Variants in CRK observed in about 807,000 individuals in gnomAD.
The protein encoded by CRK is CRK proto-oncogene, adaptor protein, also known as adapter molecule crk.
In CRK, 4 loss-of-function variants were observed where a neutral mutation model predicts 29.8. The observed-to-expected ratio is 0.13, with a 90% CI of 0.07 to 0.31. The LOEUF (loss-of-function observed/expected upper bound fraction) is 0.31. Ranked by LOEUF, CRK falls within the 10% of genes least tolerant of loss-of-function variation. CRK has a pLI of 1.00. For missense variants in CRK, 274 were observed against 396.5 expected (o/e 0.69, Z 2.62); for synonymous variants, 153 against 164.9 (o/e 0.93, Z 0.55).
intron 2 of CRK, among the ~76,000 whole-genome samples, chr17:1,433,508 G>GATTTTTTTTTTTTTTT (rs1568012299): frequency 1.7e-5 from 2 of 114,368 alleles, no homozygotes; most frequent in African/African-American, 7.1e-5. Flanking sequence ...ACCACGCCTG[G>GATTTTTTTTTTTTTTT]CTTTTTTTTT....
At chr17:1,448,199 G>T (rs918564746) in intron 1 of CRK, among the ~76,000 whole-genome samples, 3 of 152,098 alleles carry the variant, frequency 2.0e-5, no homozygotes, top group Admixed American at 6.6e-5. Context: ...TGGTGGGTAT[G>T]AGGACGGTCC....
At chr17:1,444,626 C>T (rs185257234) in intron 1 of CRK, among the ~76,000 whole-genome samples, 15 of 141,100 alleles carry the variant, frequency 1.1e-4, no homozygotes, top group African/African-American at 2.9e-4. Context: ...ATCGGGAGTT[C>T]GAGAGCAGCC....
At chr17:1,443,783 TCTGCCTCCTGGGTTCATGCAATTCTC>T (rs1458359904) in intron 1 of CRK, among the ~76,000 whole-genome samples, 1 of 150,764 alleles carries the variant, frequency 6.6e-6, no homozygotes, top group Admixed American at 6.7e-5. Context: ...CAATGCAACC[TCTGCCTCCTGGGTTCATGCAATTCTC>T]CTGCCTCAGC....
intron 1 of CRK, among the ~76,000 whole-genome samples, chr17:1,446,371 G>A (rs1386060646): frequency 6.6e-6 from 1 of 152,076 alleles, no homozygotes; most frequent in Non-Finnish European, 1.5e-5. Flanking sequence ...TCTCTCCACT[G>A]GAAGAAGGAA....
At chr17:1,452,287 G>A (rs1320590210) in intron 1 of CRK, among the ~76,000 whole-genome samples, 1 of 152,152 alleles carries the variant, frequency 6.6e-6, no homozygotes, top group African/African-American at 2.4e-5. Context: ...GATTGTCCTA[G>A]ACAGTAAGTG....
chr17:1,438,531 C>T (rs2073907609), intron 1 of CRK, among the ~76,000 whole-genome samples: 1 of 151,854 alleles, frequency 6.6e-6, no homozygotes, highest in Non-Finnish European at 1.5e-5. Flanking sequence ...AAGGGGCTAA[C>T]TGCTTAAAAA....
At chr17:1,450,690 C>CCTGGACAACGTGGCAAAACCCCGT (rs1280030352) in intron 1 of CRK, among the ~76,000 whole-genome samples, 4 of 151,462 alleles carry the variant, frequency 2.6e-5, no homozygotes, top group African/African-American at 9.7e-5. Context: ...TCAAGACCAG[C>CCTGGACAACGTGGCAAAACCCCGT]CTGGACAACG....
intron 1 of CRK, among the ~76,000 whole-genome samples, chr17:1,443,737 T>C (rs1405305292): frequency 1.3e-5 from 2 of 149,982 alleles, no homozygotes. Context: ...TCTCTTTCTG[T>C]TGCCCAGGCT....
intron 1 of CRK, among the ~76,000 whole-genome samples, chr17:1,438,369 A>G (rs1255565659): frequency 1.3e-5 from 2 of 152,082 alleles, no homozygotes; most frequent in African/African-American, 4.8e-5. Flanking sequence ...GGCTCAAGCA[A>G]TCCTTCGGCC....
chr17:1,432,130 T>C (rs2073849327), intron 2 of CRK, among the ~76,000 whole-genome samples: 1 of 152,122 alleles, frequency 6.6e-6, no homozygotes, highest in African/African-American at 2.4e-5. Context: ...CTGTAACACA[T>C]TCTTAGGAGC....
At chr17:1,426,488 T>C (rs557251347) in intron 2 of CRK, 2 of 152,286 alleles carry the variant, frequency 1.3e-5, no homozygotes, top group Non-Finnish European at 1.5e-5. Context: ...TCCCAGCACT[T>C]TGGGAGGCGA....
At chr17:1,437,941 C>T (rs1326192606) in intron 1 of CRK, among the ~76,000 whole-genome samples, 4 of 151,584 alleles carry the variant, frequency 2.6e-5, no homozygotes, top group Non-Finnish European at 5.9e-5. Context: ...GCTGGGATTA[C>T]AGGTGTGAGC....
At chr17:1,432,197 A>G (rs2073849896) in intron 2 of CRK, among the ~76,000 whole-genome samples, 1 of 152,154 alleles carries the variant, frequency 6.6e-6, no homozygotes, top group African/African-American at 2.4e-5. Context: ...TTAAGAATAA[A>G]GACAACATAG....
At chr17:1,447,699 C>T (rs2073986016) in intron 1 of CRK, among the ~76,000 whole-genome samples, 1 of 150,562 alleles carries the variant, frequency 6.6e-6, no homozygotes, top group South Asian at 2.1e-4. Flanking sequence ...ACCTCTGCCT[C>T]CTGCCTCCTG....
At chr17:1,447,873 T>A (rs1279677697) in intron 1 of CRK, among the ~76,000 whole-genome samples, 1 of 152,086 alleles carries the variant, frequency 6.6e-6, no homozygotes, top group African/African-American at 2.4e-5. Context: ...AGCCTCAGCC[T>A]CCCAAAGTGC....
chr17:1,448,431 C>A (rs907512653), intron 1 of CRK, among the ~76,000 whole-genome samples: 2 of 151,896 alleles, frequency 1.3e-5, no homozygotes. Flanking sequence ...CAAGACCAGC[C>A]TGATCAACAT....
rs145696367 is a variant in CRK at position 1,427,623 on chromosome 17, T to C, written c.778-3973A>G. On this transcript the variant is annotated intron_variant, in intron 2 of 2. Coordinates refer to ENST00000300574, the MANE Select transcript of CRK (RefSeq NM_016823.4). ...AATAAATAAATACCTCAATGTTATA[T>C]TGTCTTTATTCTTTTTGTTTGTTTG... 2.0e-5 allele frequency among the ~76,000 whole-genome samples: 3 copies of C among 151,386 alleles called. No homozygotes were observed. In the East Asian group the frequency reaches 5.9e-4, roughly 30 times the overall value.
At chr17:1,451,387 C>T (rs966147654) in intron 1 of CRK, among the ~76,000 whole-genome samples, 2 of 151,568 alleles carry the variant, frequency 1.3e-5, no homozygotes, top group Non-Finnish European at 2.9e-5. Context: ...TCCGCCACCA[C>T]GCCCAGCTAA....
chr17:1,431,897 G>A (rs2073847931), intron 2 of CRK, among the ~76,000 whole-genome samples: 1 of 152,180 alleles, frequency 6.6e-6, no homozygotes, highest in Non-Finnish European at 1.5e-5. Context: ...AGTAATAACA[G>A]TAGTTCTAAC....
Sources: gnomAD v4.1 joint callset for allele counts (sites outside exome capture counted in the v4.1 genomes callset) on GRCh38, gnomAD v4.1.1 for gene constraint, MANE v1.5 for transcripts, NCBI Gene and HGNC (gene_info 2026-07-23, HGNC 2026-07-21) for gene names.